The following ROR2 variants were observed in gnomAD, a reference collection of about 807,000 sequenced individuals.
ROR2 encodes ROR family WNT receptor 2, also known as tyrosine-protein kinase transmembrane receptor ROR2.
In ROR2, 33 loss-of-function variants were observed where a neutral mutation model predicts 74.9. The ratio of observed to expected loss-of-function variants is 0.44; its 90% CI spans 0.33 to 0.59. The LOEUF is 0.59. Ranked by LOEUF, ROR2 falls within the 20% of genes least tolerant of loss-of-function variation. The pLI, the probability that ROR2 is intolerant of heterozygous loss-of-function variation, is 0.02. For missense variants in ROR2, 1,216 were observed against 1,313.8 expected (o/e 0.93, Z 1.15); for synonymous variants, 586 against 558.7 (o/e 1.05, Z -0.69).
chr9:91,755,464 C>T (rs1379718936), intron 4 of ROR2, among the ~76,000 whole-genome samples: 3 of 152,252 alleles, frequency 2.0e-5, no homozygotes, highest in Admixed American at 6.5e-5. Flanking sequence ...TCTGGGTACA[C>T]GATGGGAGAG....
At chr9:91,752,071 G>T (rs1282871876) in intron 4 of ROR2, among the ~76,000 whole-genome samples, 1 of 152,192 alleles carries the variant, frequency 6.6e-6, no homozygotes, top group African/African-American at 2.4e-5. Context: ...CACCGGAATA[G>T]CTACACTTAA....
chr9:91,775,439 C>T (rs529296399), intron 2 of ROR2, among the ~76,000 whole-genome samples: 7 of 152,228 alleles, frequency 4.6e-5, no homozygotes, highest in African/African-American at 1.7e-4. Flanking sequence ...CCTCTGGAGT[C>T]ACATGCAACA....
intron 1 of ROR2, among the ~76,000 whole-genome samples, chr9:91,870,989 T>C (rs974922334): frequency 6.6e-6 from 1 of 152,268 alleles, no homozygotes; most frequent in Non-Finnish European, 1.5e-5. Flanking sequence ...AAAATAGTAT[T>C]GTTCTACAGA....
intron 1 of ROR2, among the ~76,000 whole-genome samples, chr9:91,863,568 C>T (rs1002648790): frequency 1.3e-5 from 2 of 152,044 alleles, no homozygotes; most frequent in Admixed American, 1.3e-4. Flanking sequence ...TGTATCTGTA[C>T]AGTGAAAGAT....
chr9:91,789,155 T>C (rs770992877), intron 1 of ROR2, among the ~76,000 whole-genome samples: 1 of 152,196 alleles, frequency 6.6e-6, no homozygotes, highest in Non-Finnish European at 1.5e-5. Context: ...ACATGGTACT[T>C]ACCCCAATTT....
intron 1 of ROR2, among the ~76,000 whole-genome samples, chr9:91,826,012 C>T (rs1248295180): frequency 6.6e-6 from 1 of 152,218 alleles, no homozygotes; most frequent in Admixed American, 6.5e-5. Flanking sequence ...TGGGTGGCTT[C>T]GCCCCCCTGC....
intron 1 of ROR2, among the ~76,000 whole-genome samples, chr9:91,796,586 A>C (rs1187541336): frequency 6.6e-6 from 1 of 152,164 alleles, no homozygotes; most frequent in African/African-American, 2.4e-5. Flanking sequence ...AGTGTGACTA[A>C]GCTATGCCTG....
chr9:91,859,323 T>G (rs1587792606), intron 1 of ROR2, among the ~76,000 whole-genome samples: 2 of 148,824 alleles, frequency 1.3e-5, no homozygotes, highest in South Asian at 4.4e-4. Flanking sequence ...TGCCTCAGCC[T>G]CCCGGGTAGC....
rs1211311849 is a variant in ROR2 at position 91,876,415 on chromosome 9, G to GTA, written c.97+73450_97+73451dup. ...AAGTGAAGGCCTCAGGAAGGGACTT[G>GTA]TATATCTTGGTACCCAGGGTCCCTG... On this transcript the variant is annotated intron_variant, in intron 1 of 8. Coordinates refer to ENST00000375708, the MANE Select transcript of ROR2 (RefSeq NM_004560.4). 9.2e-5 allele frequency among the ~76,000 whole-genome samples: 14 copies of GTA among 151,988 alleles called. No homozygotes were observed. In the East Asian group the frequency reaches 2.7e-3, roughly 29 times the overall value.
At chr9:91,736,311 G>A (rs1320040537) in intron 5 of ROR2, among the ~76,000 whole-genome samples, 4 of 152,266 alleles carry the variant, frequency 2.6e-5, no homozygotes, top group East Asian at 1.9e-4. Flanking sequence ...TGTGATGTTC[G>A]ACTCTCTAGT....
intron 1 of ROR2, among the ~76,000 whole-genome samples, chr9:91,853,722 G>A (rs1353507836): frequency 6.6e-6 from 1 of 152,192 alleles, no homozygotes; most frequent in Non-Finnish European, 1.5e-5. Flanking sequence ...AATCTACAGT[G>A]CCCGGGCTGA....
At chr9:91,819,255 T>C (rs1202469366) in intron 1 of ROR2, among the ~76,000 whole-genome samples, 1 of 152,212 alleles carries the variant, frequency 6.6e-6, no homozygotes, top group Admixed American at 6.5e-5. Flanking sequence ...ACCTTGTCAC[T>C]GAGCTGCTGA....
At chr9:91,771,949 A>G (rs1200732128) in intron 2 of ROR2, among the ~76,000 whole-genome samples, 4 of 152,252 alleles carry the variant, frequency 2.6e-5, no homozygotes, top group African/African-American at 9.6e-5. Flanking sequence ...TTAAATAAAT[A>G]GCTAATATAG....
intron 4 of ROR2, among the ~76,000 whole-genome samples, chr9:91,746,562 GC>G (rs1450715596): frequency 6.6e-6 from 1 of 152,202 alleles, no homozygotes; most frequent in African/African-American, 2.4e-5. Flanking sequence ...CACTTGGCGA[GC>G]GGTGCCTTCG....
chr9:91,837,436 A>G (rs930583448), intron 1 of ROR2, among the ~76,000 whole-genome samples: 2 of 152,266 alleles, frequency 1.3e-5, no homozygotes, highest in African/African-American at 2.4e-5. Flanking sequence ...ATAAAAAACC[A>G]AAACTTGTAA....
At position 91,744,790 on chromosome 9, in the gene ROR2, A is replaced by G. The variant is rs555710615; in HGVS notation, c.495-7272T>C. On this transcript the variant is annotated intron_variant, in intron 4 of 8. Coordinates refer to ENST00000375708, the MANE Select transcript of ROR2 (RefSeq NM_004560.4). ...CATAAGGTGGCCAGAGGCAGAGAAG[A>G]CAATGGCTCTGAGGGTGCCAGTTCC... 2.6e-5 allele frequency among the ~76,000 whole-genome samples: 4 copies of G among 152,336 alleles called. No homozygotes were observed. The South Asian group carries it at 8.3e-4, about 32-fold the overall frequency.
At chr9:91,893,732 G>A (rs1830476522) in intron 1 of ROR2, among the ~76,000 whole-genome samples, 2 of 151,960 alleles carry the variant, frequency 1.3e-5, no homozygotes, top group African/African-American at 2.4e-5. Context: ...CCTTCAAACT[G>A]TATCCCGCCA....
In ROR2 at chr9:91,866,446, G is replaced by C. The variant is rs542604246; in HGVS notation, c.97+83421C>G. ...TTTTTTTTTTTTTTTTTTTGAGACT[G>C]AGTCTCTATCACCCAGGCTGGAGTG... On this transcript the variant is annotated intron_variant, in intron 1 of 8. Transcript: ENST00000375708. 6.1e-3 allele frequency among the ~76,000 whole-genome samples: 549 copies of C among 90,476 alleles called. 4 individuals carry two copies. The highest frequency in any genetic ancestry group is 0.023 in the African/African-American group (526 of 22,626). The allele number at this position is 90,476 out of a possible 152,430, so 59.4% of individuals were successfully genotyped here.
intron 4 of ROR2, among the ~76,000 whole-genome samples, chr9:91,752,276 T>C (rs1202010811): frequency 6.6e-6 from 1 of 152,220 alleles, no homozygotes; most frequent in Non-Finnish European, 1.5e-5. Flanking sequence ...ACAAAAAGTA[T>C]AGAGTATTCC....
Sources: gnomAD v4.1 joint callset for allele counts (sites outside exome capture counted in the v4.1 genomes callset) on GRCh38, gnomAD v4.1.1 for gene constraint, MANE v1.5 for transcripts, NCBI Gene and HGNC (gene_info 2026-07-23, HGNC 2026-07-21) for gene names.